Variants in PCDHA10 observed in about 807,000 individuals in gnomAD.
PCDHA10 encodes the protein protocadherin alpha 10.
In PCDHA10, 45 loss-of-function variants were observed where a neutral mutation model predicts 61.2. The observed-to-expected ratio is 0.74, with a 90% CI of 0.58 to 0.94. The LOEUF (loss-of-function observed/expected upper bound fraction) is 0.94, where lower values mean the gene tolerates loss of function less well. PCDHA10 is among the 40% of genes least tolerant of loss of function. The pLI, the probability that PCDHA10 is intolerant of heterozygous loss-of-function variation, is 0.00. For missense variants in PCDHA10, 1,278 were observed against 1,236.2 expected, an observed-to-expected ratio of 1.03 and a Z score of -0.51; for synonymous variants, 602 against 548.8, an observed-to-expected ratio of 1.10 and a Z score of -1.35.
rs782314357 is a variant in PCDHA10 at position 140,927,486 on chromosome 5, C to G, written c.2389-51463C>G. The G allele has an allele frequency of 6.2e-6, 10 of 1,614,128 alleles. No individual in the cohort carries two copies. In the East Asian group the frequency reaches 2.2e-4, roughly 36 times the overall value. ...CACTGGATCGCGAACAGCGCGCCACCCACCTGCTGGTGCTTACAGCTCGGG... is the reference window on the plus strand; with the variant it reads ...CACTGGATCGCGAACAGCGCGCCACGCACCTGCTGGTGCTTACAGCTCGGG... On this transcript the variant is annotated intron_variant, in intron 1 of 3. Coordinates refer to ENST00000307360, the MANE Select transcript of PCDHA10 (RefSeq NM_018901.4).
rs782085408 is a variant in PCDHA10, at chr5:140,870,885, C to A, written c.2388+12449C>A. On this transcript the variant is annotated intron_variant, in intron 1 of 3. Coordinates refer to ENST00000307360, the MANE Select transcript of PCDHA10 (RefSeq NM_018901.4). ...CGGGCCACGTGGTGGCGAAGGTGCG[C>A]GCAGTGGATGCGGACTCAGGCTACA... 5 of 1,613,800 alleles carry A rather than the reference C, an allele frequency of 3.1e-6. No individual in the cohort carries two copies. The African/African-American group carries it at 5.3e-5, about 17-fold the overall frequency.
chr5:140,912,860 G>T (rs1554195574), intron 1 of PCDHA10, among the ~76,000 whole-genome samples: 1 of 152,182 alleles, frequency 6.6e-6, no homozygotes, highest in South Asian at 2.1e-4. Flanking sequence ...CAATTGAAAT[G>T]ATATATGGTT....
intron 3 of PCDHA10, among the ~76,000 whole-genome samples, chr5:140,987,370 A>G (rs183202119): frequency 5.2e-4 from 79 of 152,328 alleles, no homozygotes; most frequent in East Asian, 3.9e-4. Context: ...TTATATCATT[A>G]CAGGGTCAGA....
intron 1 of PCDHA10, chr5:140,884,130 C>T (rs1554181258): frequency 3.1e-6 from 5 of 1,613,434 alleles, no homozygotes; most frequent in Non-Finnish European, 3.4e-6. Flanking sequence ...GCGCGCATCC[C>T]GTTCCGCGTG....
intron 1 of PCDHA10, chr5:140,884,167 G>A: frequency 4.3e-6 from 7 of 1,613,412 alleles, no homozygotes; most frequent in Non-Finnish European, 5.1e-6. Context: ...AGATCAGCAC[G>A]ACGCGCCCTC....
intron 1 of PCDHA10, chr5:140,871,442 A>C: frequency 6.2e-7 from 1 of 1,611,276 alleles, no homozygotes; most frequent in African/African-American, 1.3e-5. Flanking sequence ...CTAGGTCTGA[A>C]TAAAGAGGAG....
chr5:140,941,194 TC>T lies in PCDHA10; in HGVS notation c.2389-37754del, dbSNP rs1420421121. 9.3e-3 allele frequency among the ~76,000 whole-genome samples: 1,044 copies of T among 112,328 alleles called. 8 individuals carry two copies. The highest frequency in any genetic ancestry group is 0.018 in the Admixed American group (200 of 11,012). 73.7% of individuals were successfully genotyped at this position (112,328 alleles called of 152,430 possible). The stretch of plus-strand genomic sequence containing the variant: ...CTTGAACATCCTGCTTCTTTTTTTT[TC>T]TTTCTTCCTTTCTTTCTTCCTTTCT... On this transcript the variant is annotated intron_variant, in intron 1 of 3. Coordinates refer to ENST00000307360, the MANE Select transcript of PCDHA10 (RefSeq NM_018901.4).
rs538891766 is a variant in PCDHA10 at position 140,931,784 on chromosome 5, A to G, written c.2389-47165A>G. The stretch of plus-strand genomic sequence containing the variant: ...TTTACTTCTTCCTGTTCAATTACCT[A>G]TTGATCTGATCTTAATTCTTTAGAA... On this transcript the variant is annotated intron_variant, in intron 1 of 3. Transcript: ENST00000307360. Among the ~76,000 whole-genome samples, 13 of 152,080 alleles carry G rather than the reference A, an allele frequency of 8.5e-5. No homozygotes were observed. In the East Asian group the frequency reaches 1.9e-3, roughly 23 times the overall value.
At chr5:140,966,973 G>A (rs782189736) in intron 1 of PCDHA10, 9 of 1,602,936 alleles carry the variant, frequency 5.6e-6, no homozygotes, top group African/African-American at 4.0e-5. Flanking sequence ...GGCTTGAGCT[G>A]CGGCGCTTGG....
At chr5:140,876,972 C>T (rs374149249) in intron 1 of PCDHA10, 13 of 1,612,478 alleles carry the variant, frequency 8.1e-6, no homozygotes, top group Non-Finnish European at 1.1e-5. Context: ...GGCGGGTGGG[C>T]GAGCACGCAC....
At chr5:140,995,155 A>T (rs2097666869) in intron 3 of PCDHA10, among the ~76,000 whole-genome samples, 2 of 152,194 alleles carry the variant, frequency 1.3e-5, no homozygotes, top group Non-Finnish European at 2.9e-5. Flanking sequence ...CTTTATATAC[A>T]TTATGTTCTT....
intron 1 of PCDHA10, chr5:140,870,316 T>C (rs1178506832): frequency 1.2e-6 from 2 of 1,614,126 alleles, no homozygotes; most frequent in Admixed American, 3.3e-5. Context: ...GAATTACTAC[T>C]CGTTGGTGCT....
intron 3 of PCDHA10, among the ~76,000 whole-genome samples, chr5:141,004,794 G>A (rs1272334301): frequency 6.6e-6 from 1 of 152,144 alleles, no homozygotes; most frequent in Non-Finnish European, 1.5e-5. Context: ...GGCAGATTCT[G>A]GCTGAGCTCA....
At chr5:140,877,845 TTATTAA>T in intron 1 of PCDHA10, 3 of 1,555,618 alleles carry the variant, frequency 1.9e-6, no homozygotes, top group Non-Finnish European at 2.6e-6. Context: ...GTGAAGTAAG[TTATTAA>T]TATTATTTAG....
At chr5:140,942,667 CA>C (rs2153659637) in intron 1 of PCDHA10, among the ~76,000 whole-genome samples, 1 of 151,384 alleles carries the variant, frequency 6.6e-6, no homozygotes, top group South Asian at 2.1e-4. Flanking sequence ...GCAATAAGCA[CA>C]AAAGTTTTAG....
At chr5:140,892,242 C>A (rs1554185127) in intron 1 of PCDHA10, among the ~76,000 whole-genome samples, 3 of 152,034 alleles carry the variant, frequency 2.0e-5, no homozygotes, top group Non-Finnish European at 4.4e-5. Context: ...TCCACATAAA[C>A]CTGGTTATCT....
intron 1 of PCDHA10, chr5:140,927,762 T>A (rs781993567): frequency 1.8e-5 from 29 of 1,613,934 alleles, no homozygotes; most frequent in Non-Finnish European, 2.4e-5. Context: ...ACCCTAAAAG[T>A]GGGGAGGTGC....
chr5:140,973,825 T>A (rs1253333011), intron 1 of PCDHA10, among the ~76,000 whole-genome samples: 5 of 152,246 alleles, frequency 3.3e-5, no homozygotes, highest in Non-Finnish European at 5.9e-5. Context: ...AAGTCAGTTC[T>A]GGGTACTTGC....
chr5:140,947,103 G>A (rs1355984234), intron 1 of PCDHA10, among the ~76,000 whole-genome samples: 1 of 151,176 alleles, frequency 6.6e-6, no homozygotes, highest in Admixed American at 6.6e-5. Flanking sequence ...CCATAAATAG[G>A]TACGTGTCAA....
Sources: gnomAD v4.1 joint callset for allele counts (sites outside exome capture counted in the v4.1 genomes callset) on GRCh38, gnomAD v4.1.1 for gene constraint, MANE v1.5 for transcripts, NCBI Gene and HGNC (gene_info 2026-07-23, HGNC 2026-07-21) for gene names.